Variants in KCNH5 observed in about 807,000 individuals in gnomAD.
KCNH5 encodes the protein voltage-gated delayed rectifier potassium channel KCNH5.
KCNH5 carries 46 observed loss-of-function variants against 96.1 expected under a neutral mutation model. That is an observed-to-expected ratio of 0.48 (90% confidence interval 0.38 to 0.61). KCNH5 has a LOEUF of 0.61. KCNH5 is among the 20% of genes least tolerant of loss of function. The pLI is 0.00. For synonymous variants in KCNH5, 439 were observed against 449.8 expected (o/e 0.98, Z 0.30); for missense variants, 907 against 1,225.8 (o/e 0.74, Z 3.88).
At chr14:62,944,245 T>C (rs1157990717) in intron 7 of KCNH5, among the ~76,000 whole-genome samples, 1 of 152,134 alleles carries the variant, frequency 6.6e-6, no homozygotes, top group Non-Finnish European at 1.5e-5. Context: ...GAAAGACATA[T>C]AAATTTTGGA....
At chr14:62,800,578 A>T (rs1191100650) in intron 9 of KCNH5, among the ~76,000 whole-genome samples, 4 of 152,208 alleles carry the variant, frequency 2.6e-5, no homozygotes, top group Non-Finnish European at 5.9e-5. Context: ...CATGAGGGTT[A>T]TCATGATATT....
At chr14:62,877,372 C>T (rs1369096596) in intron 7 of KCNH5, among the ~76,000 whole-genome samples, 1 of 151,814 alleles carries the variant, frequency 6.6e-6, no homozygotes, top group Admixed American at 6.6e-5. Flanking sequence ...AGAGCTTCTG[C>T]ACAGCAAAAG....
chr14:62,896,452 A>G (rs775862719), intron 7 of KCNH5, among the ~76,000 whole-genome samples: 1 of 152,198 alleles, frequency 6.6e-6, no homozygotes, highest in Non-Finnish European at 1.5e-5. Flanking sequence ...CAAATATTTG[A>G]AATTGTGAAG....
chr14:62,712,870 G>A (rs981781784), intron 10 of KCNH5, among the ~76,000 whole-genome samples: 2 of 152,150 alleles, frequency 1.3e-5, no homozygotes, highest in African/African-American at 2.4e-5. Flanking sequence ...CCATTTTGCA[G>A]CTTCTGGTCC....
chr14:62,716,384 A>C (rs1884685107), intron 10 of KCNH5, among the ~76,000 whole-genome samples: 2 of 152,310 alleles, frequency 1.3e-5, no homozygotes, highest in Non-Finnish European at 2.9e-5. Context: ...AAATTACAGA[A>C]TAAAATCCAA....
At chr14:62,793,158 T>C (rs74570092) in intron 9 of KCNH5, among the ~76,000 whole-genome samples, 1 of 151,624 alleles carries the variant, frequency 6.6e-6, no homozygotes, top group African/African-American at 2.4e-5. Context: ...GGGGAAAGGA[T>C]AGTTTTTGTT....
chr14:62,708,856 A>C (rs1228137637), intron 10 of KCNH5, among the ~76,000 whole-genome samples: 1 of 152,218 alleles, frequency 6.6e-6, no homozygotes, highest in Non-Finnish European at 1.5e-5. Context: ...ATATAAGGAA[A>C]TACATATTTA....
chr14:62,990,676 C>T lies in KCNH5; in HGVS notation c.434-3489G>A, dbSNP rs546570215. On this transcript the variant is annotated intron_variant, in intron 4 of 10. Coordinates refer to ENST00000322893, the MANE Select transcript of KCNH5 (RefSeq NM_139318.5). The stretch of plus-strand genomic sequence containing the variant: ...TGAAAAGGGAAGTGACTGCATCGTG[C>T]GACTTTTAGTTGCCAGATCTTATAT... Among the ~76,000 whole-genome samples the T allele has an allele frequency of 7.9e-5, 12 of 152,112 alleles. 1 individual carries two copies. The South Asian group carries it at 2.1e-3, about 26-fold the overall frequency.
At chr14:62,787,302 G>A (rs1595622264) in intron 9 of KCNH5, among the ~76,000 whole-genome samples, 1 of 152,146 alleles carries the variant, frequency 6.6e-6, no homozygotes, top group East Asian at 1.9e-4. Flanking sequence ...ATTCCCTTAC[G>A]CCAAAGCCAA....
intron 10 of KCNH5, among the ~76,000 whole-genome samples, chr14:62,728,390 GAAA>G (rs5809167): frequency 1.6e-5 from 2 of 127,794 alleles, no homozygotes; most frequent in Non-Finnish European, 1.6e-5. Context: ...CTGTCTCAAA[GAAA>G]AAAAAAAAAA....
rs75455929 is a variant in KCNH5, at chr14:62,933,544, T to C, written c.1369+16589A>G. 8.8e-3 allele frequency among the ~76,000 whole-genome samples: 1,334 copies of C among 152,118 alleles called. 34 individuals are homozygous for C. In the East Asian group the frequency reaches 0.093, roughly 11 times the overall value. ...TAGGACAGGAAAGAGAATTATATAA[T>C]TTTATTTTCATCTTCCAAAGATGGA... On this transcript the variant is annotated intron_variant, in intron 7 of 10. Transcript: ENST00000322893.
chr14:62,939,483 A>C (rs1016598178), intron 7 of KCNH5, among the ~76,000 whole-genome samples: 8 of 152,218 alleles, frequency 5.3e-5, no homozygotes, highest in African/African-American at 1.7e-4. Flanking sequence ...CAGGAAAAAG[A>C]ACCACTTTCC....
At chr14:62,890,505 C>A (rs1407879254) in intron 7 of KCNH5, among the ~76,000 whole-genome samples, 1 of 151,292 alleles carries the variant, frequency 6.6e-6, no homozygotes, top group East Asian at 2.0e-4. Flanking sequence ...ACCATCCCGG[C>A]TAACACGGTG....
At chr14:62,901,352 A>G (rs1041784327) in intron 7 of KCNH5, among the ~76,000 whole-genome samples, 1 of 152,072 alleles carries the variant, frequency 6.6e-6, no homozygotes, top group Non-Finnish European at 1.5e-5. Flanking sequence ...ATAGTACACA[A>G]TAGTTTTCCA....
At chr14:62,931,568 G>A (rs1889582217) in intron 7 of KCNH5, among the ~76,000 whole-genome samples, 1 of 152,152 alleles carries the variant, frequency 6.6e-6, no homozygotes, top group South Asian at 2.1e-4. Context: ...AGGACAAGTA[G>A]TAACTAACTC....
intron 5 of KCNH5, among the ~76,000 whole-genome samples, chr14:62,982,414 G>A (rs1890628078): frequency 1.3e-5 from 2 of 152,126 alleles, no homozygotes; most frequent in South Asian, 2.1e-4. Flanking sequence ...GTGTTAAAGA[G>A]TTTGGTAAAT....
At chr14:62,991,861 T>C (rs140518683) in intron 4 of KCNH5, among the ~76,000 whole-genome samples, 2 of 152,152 alleles carry the variant, frequency 1.3e-5, no homozygotes, top group East Asian at 3.9e-4. Flanking sequence ...AGTTATGAGG[T>C]ACAAGTGCAA....
At chr14:62,883,484 T>G (rs1294426814) in intron 7 of KCNH5, among the ~76,000 whole-genome samples, 1 of 152,124 alleles carries the variant, frequency 6.6e-6, no homozygotes, top group Non-Finnish European at 1.5e-5. Flanking sequence ...AGATCAAAAT[T>G]CCAGGACACT....
At chr14:63,006,258 G>T in intron 3 of KCNH5, 108 bp downstream of exon 3, 1 of 516,416 alleles carries the variant, frequency 1.9e-6, no homozygotes. Context: ...GCCAAGAAAA[G>T]AAGCAACAGA....
Sources: allele counts gnomAD v4.1 joint callset (sites outside exome capture counted in the v4.1 genomes callset), GRCh38; gene constraint gnomAD v4.1.1; transcripts MANE v1.5; gene names NCBI Gene and HGNC (gene_info 2026-07-23, HGNC 2026-07-21).